Variants in OSBPL1A observed in about 807,000 individuals in gnomAD.
OSBPL1A encodes oxysterol-binding protein-related protein 1.
OSBPL1A carries 80 observed loss-of-function variants against 137.1 expected under a neutral mutation model. The ratio of observed to expected loss-of-function variants is 0.58; its 90% confidence interval spans 0.49 to 0.70. The LOEUF (loss-of-function observed/expected upper bound fraction) is 0.70, where lower values mean the gene tolerates loss of function less well. OSBPL1A is among the 30% of genes least tolerant of loss of function. OSBPL1A has a pLI of 0.00. For missense variants in OSBPL1A, 970 were observed against 1,129.4 expected (o/e 0.86, Z 2.02); for synonymous variants, 365 against 389.7 (o/e 0.94, Z 0.75).
At chr18:24,250,174 G>GTTGT (rs2089039058) in intron 15 of OSBPL1A, among the ~76,000 whole-genome samples, 1 of 75,352 alleles carries the variant, frequency 1.3e-5, no homozygotes, top group Non-Finnish European at 2.6e-5. Flanking sequence ...TTGTTTGTTT[G>GTTGT]TTTGTTTGTT....
chr18:24,378,794 A>G (rs1032252633), intron 1 of OSBPL1A, among the ~76,000 whole-genome samples: 4 of 152,202 alleles, frequency 2.6e-5, no homozygotes, highest in Non-Finnish European at 5.9e-5. Context: ...TTTACCCTCT[A>G]TGAGACTTAG....
chr18:24,191,834 C>T (rs769656381), intron 18 of OSBPL1A, among the ~76,000 whole-genome samples: 29 of 151,942 alleles, frequency 1.9e-4, no homozygotes, highest in Admixed American at 8.5e-4. Flanking sequence ...AAAAAGGACA[C>T]GAAGTTAACT....
At chr18:24,317,105 T>C (rs1418520060) in intron 11 of OSBPL1A, 44 bp downstream of exon 11, 1 of 1,600,658 alleles carries the variant, frequency 6.2e-7, no homozygotes, top group Non-Finnish European at 8.6e-7. Context: ...CTTGAAGAAC[T>C]GATTTCACAG....
intron 17 of OSBPL1A, among the ~76,000 whole-genome samples, chr18:24,198,077 C>T (rs879711146): frequency 6.6e-6 from 1 of 152,048 alleles, no homozygotes; most frequent in Non-Finnish European, 1.5e-5. Flanking sequence ...CGTGAGCTAC[C>T]GCGCCCAGCC....
At chr18:24,269,994 T>C (rs1228374299) in intron 15 of OSBPL1A, among the ~76,000 whole-genome samples, 1 of 152,216 alleles carries the variant, frequency 6.6e-6, no homozygotes, top group African/African-American at 2.4e-5. Flanking sequence ...ACTTATGTCT[T>C]AGCTGCTTCC....
At chr18:24,295,942 A>G (rs1295945441) in intron 14 of OSBPL1A, among the ~76,000 whole-genome samples, 2 of 151,350 alleles carry the variant, frequency 1.3e-5, no homozygotes, top group African/African-American at 4.9e-5. Flanking sequence ...ATAATGTGAT[A>G]CCTCCAGATT....
At chr18:24,205,461 T>C (rs990137733) in intron 17 of OSBPL1A, among the ~76,000 whole-genome samples, 3 of 152,222 alleles carry the variant, frequency 2.0e-5, no homozygotes, top group African/African-American at 7.2e-5. Flanking sequence ...GTAGGTATTG[T>C]TAATGAAAAT....
chr18:24,308,483 G>C (rs2090549289), intron 13 of OSBPL1A, among the ~76,000 whole-genome samples: 1 of 151,784 alleles, frequency 6.6e-6, no homozygotes, highest in Admixed American at 6.6e-5. Flanking sequence ...GCCTCCCAAA[G>C]TACTGGGATT....
At chr18:24,329,292 G>C (rs1369188387) in intron 7 of OSBPL1A, among the ~76,000 whole-genome samples, 1 of 152,114 alleles carries the variant, frequency 6.6e-6, no homozygotes, top group Non-Finnish European at 1.5e-5. Context: ...GCTCCCACCT[G>C]TAATCCTAGC....
chr18:24,175,123 T>TATATATAC (rs1567920206), intron 21 of OSBPL1A, among the ~76,000 whole-genome samples: 45 of 130,936 alleles, frequency 3.4e-4, no homozygotes, highest in African/African-American at 1.5e-3. Flanking sequence ...TATATATATA[T>TATATATAC]ATATATATAT....
intron 5 of OSBPL1A, among the ~76,000 whole-genome samples, chr18:24,339,832 T>C (rs1281856535): frequency 6.6e-6 from 1 of 152,210 alleles, no homozygotes; most frequent in African/African-American, 2.4e-5. Context: ...TCATTTTGAG[T>C]GCAGAAACAA....
intron 2 of OSBPL1A, among the ~76,000 whole-genome samples, chr18:24,375,559 T>C (rs1169496736): frequency 6.6e-6 from 1 of 152,290 alleles, no homozygotes; most frequent in East Asian, 1.9e-4. Flanking sequence ...TTCTCTATCG[T>C]CACCTGGTTA....
chr18:24,222,431 T>C (rs1000234185), intron 17 of OSBPL1A, among the ~76,000 whole-genome samples: 1 of 152,164 alleles, frequency 6.6e-6, no homozygotes, highest in Admixed American at 6.5e-5. Flanking sequence ...TTGGGTAATA[T>C]TGCTAACAAG....
chr18:24,246,391 GA>G (rs1417783590), intron 15 of OSBPL1A, among the ~76,000 whole-genome samples: 2 of 152,082 alleles, frequency 1.3e-5, no homozygotes, highest in Non-Finnish European at 2.9e-5. Context: ...AGTGAAATGG[GA>G]AGCCAGTGGA....
chr18:24,349,740 A>C (rs75402099), intron 4 of OSBPL1A, among the ~76,000 whole-genome samples: 2,799 of 120,136 alleles, frequency 0.023, 48 homozygotes, highest in Non-Finnish European at 0.037. Flanking sequence ...AAAAAAAAAA[A>C]AACAACAACA....
chr18:24,307,623 T>C (rs7235992), intron 13 of OSBPL1A, among the ~76,000 whole-genome samples: 36,657 of 152,162 alleles, frequency 0.24, 5,333 homozygotes, highest in Non-Finnish European at 0.32. Context: ...ATTTGGTACA[T>C]CATTTTATGC....
chr18:24,180,276 T>C (rs567371573), intron 19 of OSBPL1A, among the ~76,000 whole-genome samples: 2 of 152,222 alleles, frequency 1.3e-5, no homozygotes, highest in South Asian at 2.1e-4. Flanking sequence ...CAGTTTAGAA[T>C]GCTATTGCTT....
chr18:24,391,834 G>A (rs552346680), intron 1 of OSBPL1A, among the ~76,000 whole-genome samples: 15 of 152,140 alleles, frequency 9.9e-5, no homozygotes, highest in African/African-American at 1.4e-4. Context: ...TCTAAAATAC[G>A]ACTGGCACAA....
intron 17 of OSBPL1A, among the ~76,000 whole-genome samples, chr18:24,204,981 C>A (rs965330331): frequency 1.3e-5 from 2 of 152,160 alleles, no homozygotes; most frequent in African/African-American, 4.8e-5. Context: ...CAAAATATCC[C>A]CAGGCTAGCT....
Sources: gnomAD v4.1 joint callset for allele counts (sites outside exome capture counted in the v4.1 genomes callset) on GRCh38, gnomAD v4.1.1 for gene constraint, MANE v1.5 for transcripts, NCBI Gene and HGNC (gene_info 2026-07-23, HGNC 2026-07-21) for gene names.